SIPA1L3: variants seen among roughly 807,000 people sequenced by gnomAD.
The protein encoded by SIPA1L3 is signal-induced proliferation-associated 1-like protein 3.
In SIPA1L3, 59 loss-of-function variants were observed where a neutral mutation model predicts 150.1. The observed-to-expected ratio is 0.39, with a 90% CI of 0.32 to 0.49. The LOEUF is 0.49. Ranked by LOEUF, SIPA1L3 falls within the 20% of genes least tolerant of loss-of-function variation. SIPA1L3 has a pLI of 0.86. For missense variants in SIPA1L3, 2,211 were observed against 2,489.5 expected (o/e 0.89, Z 2.38); for synonymous variants, 1,070 against 1,077.6 (o/e 0.99, Z 0.14).
intron 15 of SIPA1L3, among the ~76,000 whole-genome samples, chr19:38,181,845 CAAAAAAAAAA>C (rs572648983): frequency 1.6e-5 from 1 of 62,952 alleles, no homozygotes; most frequent in Admixed American, 1.8e-4. Flanking sequence ...GACTCTGTCT[CAAAAAAAAAA>C]AAAAAAAAGG....
chr19:38,014,325 C>A (rs546902037), intron 1 of SIPA1L3, among the ~76,000 whole-genome samples: 1 of 152,144 alleles, frequency 6.6e-6, no homozygotes, highest in African/African-American at 2.4e-5. Context: ...ATGAACTAAG[C>A]GGAGTTTGGT....
chr19:37,928,595 C>A (rs1264849621), intron 1 of SIPA1L3, among the ~76,000 whole-genome samples: 2 of 151,988 alleles, frequency 1.3e-5, no homozygotes, highest in African/African-American at 2.4e-5. Context: ...AACAAAAAAC[C>A]CTAGCAAGGA....
intron 1 of SIPA1L3, among the ~76,000 whole-genome samples, chr19:38,024,251 G>A (rs749823218): frequency 3.3e-5 from 5 of 152,112 alleles, no homozygotes; most frequent in Non-Finnish European, 7.4e-5. Flanking sequence ...TGCTTCATAG[G>A]GTTTCATGAG....
At chr19:38,088,408 A>G (rs967096901) in intron 3 of SIPA1L3, among the ~76,000 whole-genome samples, 2 of 152,226 alleles carry the variant, frequency 1.3e-5, no homozygotes, top group South Asian at 2.1e-4. Context: ...TAAGTGTTTC[A>G]TATTTGTAGC....
chr19:38,044,576 G>A (rs1969008228), intron 2 of SIPA1L3, among the ~76,000 whole-genome samples: 1 of 152,158 alleles, frequency 6.6e-6, no homozygotes, highest in Admixed American at 6.5e-5. Context: ...AAGAGAGACG[G>A]GGCTTTGTTG....
rs542151539 is a variant in SIPA1L3 at position 38,081,579 on chromosome 19, G to C, written c.14G>C (p.Arg5Pro). The C allele has an allele frequency of 3.1e-6, 5 of 1,588,162 alleles. No individual in the cohort carries two copies. Among genetic ancestry groups the C allele is most frequent in the East Asian group, 4.5e-5 (2 of 44,354 alleles). MTTY[R>P]AIPSDGVDLA... Reference sequence around the variant, plus strand: ...TGCCCGTGGACTATGACCACCTATCGGGCCATCCCCAGCGATGGTGTGGAC... The same window carrying C: ...TGCCCGTGGACTATGACCACCTATCCGGCCATCCCCAGCGATGGTGTGGAC... Residue 5 changes from arginine to proline, a missense_variant, in exon 3 of 22, where the codon CGG becomes CCG. Around this residue, in one of 5 missense-constraint regions of SIPA1L3, gnomAD observed 130 missense variants for 174.5 expected, o/e 0.74. Transcript: ENST00000222345.
intron 2 of SIPA1L3, among the ~76,000 whole-genome samples, chr19:38,062,131 G>C (rs1969458824): frequency 6.6e-6 from 1 of 152,010 alleles, no homozygotes; most frequent in African/African-American, 2.4e-5. Flanking sequence ...GGATCTACCA[G>C]CAGTCTCACG....
In SIPA1L3 at chr19:37,970,565, TC is replaced by T. The variant is rs149312161; in HGVS notation, c.-378-58523del. On this transcript the variant is annotated intron_variant, in intron 1 of 21. Coordinates refer to ENST00000222345, the MANE Select transcript of SIPA1L3 (RefSeq NM_015073.3). ...TCTCACTAAAGCCACAGTTCTTTCT[TC>T]GCACTAAAGCCATCCGTTCAGCTTC... Among the ~76,000 whole-genome samples the T allele has an allele frequency of 6.8e-3, 1,038 of 152,304 alleles. 33 individuals carry two copies. Among genetic ancestry groups the T allele is most frequent in the East Asian group, 0.064 (331 of 5,176 alleles).
chr19:38,138,967 G>A (rs1412945096), intron 10 of SIPA1L3, among the ~76,000 whole-genome samples: 1 of 150,792 alleles, frequency 6.6e-6, no homozygotes, highest in African/African-American at 2.4e-5. Flanking sequence ...AGGCCGAGGA[G>A]GACAGATTAC....
At chr19:38,159,909 G>A (rs144187071) in intron 13 of SIPA1L3, among the ~76,000 whole-genome samples, 126 of 152,298 alleles carry the variant, frequency 8.3e-4, no homozygotes, top group African/African-American at 3.0e-3. Context: ...TTAAATCACC[G>A]GCGTTCAGCT....
intron 1 of SIPA1L3, among the ~76,000 whole-genome samples, chr19:37,982,959 C>A (rs1481788095): frequency 6.6e-6 from 1 of 152,186 alleles, no homozygotes; most frequent in Admixed American, 6.5e-5. Context: ...GTCGAGGGTT[C>A]TCTGGCAGGC....
intron 10 of SIPA1L3, among the ~76,000 whole-genome samples, chr19:38,134,403 CA>C (rs1175309814): frequency 0.28 from 18,163 of 64,176 alleles, 1,503 homozygotes; most frequent in East Asian, 0.45. Context: ...CAAGCTTTCT[CA>C]AAAAAAAAAA....
chr19:38,197,376 CCG>C (rs919889299), intron 18 of SIPA1L3, among the ~76,000 whole-genome samples: 27 of 152,246 alleles, frequency 1.8e-4, no homozygotes, highest in African/African-American at 6.0e-4. Context: ...CTCTCAATAG[CCG>C]CAGCAGGTGC....
chr19:37,924,692 A>C (rs2046486870), intron 1 of SIPA1L3, among the ~76,000 whole-genome samples: 1 of 150,732 alleles, frequency 6.6e-6, no homozygotes, highest in Non-Finnish European at 1.5e-5. Context: ...AAAAAAAAAA[A>C]AGTATATATA....
At chr19:38,149,762 C>A (rs1276984412) in intron 12 of SIPA1L3, among the ~76,000 whole-genome samples, 1 of 152,172 alleles carries the variant, frequency 6.6e-6, no homozygotes, top group East Asian at 1.9e-4. Context: ...ACTTTTATCT[C>A]ATTGGCCAGA....
intron 12 of SIPA1L3, among the ~76,000 whole-genome samples, chr19:38,151,009 C>A (rs546552184): frequency 1.3e-5 from 2 of 152,240 alleles, no homozygotes; most frequent in African/African-American, 4.8e-5. Context: ...GAGGGTGAAC[C>A]CAGCATCTTG....
intron 10 of SIPA1L3, among the ~76,000 whole-genome samples, chr19:38,139,912 C>T (rs754000618): frequency 3.3e-5 from 5 of 152,150 alleles, no homozygotes; most frequent in Admixed American, 6.5e-5. Flanking sequence ...AGTCCACTCC[C>T]GCAAGCCCTT....
At chr19:38,052,946 G>T (rs1431436373) in intron 2 of SIPA1L3, among the ~76,000 whole-genome samples, 1 of 152,236 alleles carries the variant, frequency 6.6e-6, no homozygotes, top group East Asian at 1.9e-4. Context: ...GAGAGTTCTG[G>T]GTGCTGGAGT....
At chr19:38,118,493 A>C (rs1042121859) in intron 8 of SIPA1L3, among the ~76,000 whole-genome samples, 6 of 152,186 alleles carry the variant, frequency 3.9e-5, no homozygotes, top group Non-Finnish European at 5.9e-5. Flanking sequence ...CTTTGATGTC[A>C]GAGGATGTTC....
Sources: allele counts gnomAD v4.1 joint callset (sites outside exome capture counted in the v4.1 genomes callset), GRCh38; gene constraint gnomAD v4.1.1; regional missense constraint gnomAD v4.1.1; transcripts MANE v1.5; gene names NCBI Gene and HGNC (gene_info 2026-07-23, HGNC 2026-07-21).